Variants in GAB1 observed in about 807,000 individuals in gnomAD.
GAB1 encodes the protein GRB2 associated binding protein 1, also known as GRB2-associated-binding protein 1.
In GAB1, 19 loss-of-function variants were observed where a neutral mutation model predicts 66.5. The observed-to-expected ratio is 0.29, with a 90% CI of 0.20 to 0.42. GAB1 has a LOEUF of 0.42. Ranked by LOEUF, GAB1 falls within the 10% of genes least tolerant of loss-of-function variation. The probability of loss-of-function intolerance (pLI) is 1.00; values close to 1 mark genes in which losing one functional copy is unlikely to be tolerated. For synonymous variants in GAB1, 294 were observed against 301.4 expected (o/e 0.98, Z 0.25); for missense variants, 732 against 858.5 (o/e 0.85, Z 1.84).
chr4:143,353,831 A>G (rs1729329471), intron 1 of GAB1, among the ~76,000 whole-genome samples: 1 of 152,142 alleles, frequency 6.6e-6, no homozygotes, highest in South Asian at 2.1e-4. Flanking sequence ...GTACTTTAGA[A>G]CTTTTCACCA....
intron 1 of GAB1, among the ~76,000 whole-genome samples, chr4:143,342,870 A>T (rs1728871536): frequency 6.6e-6 from 1 of 152,136 alleles, no homozygotes; most frequent in Admixed American, 6.6e-5. Flanking sequence ...GCCAGAGGTG[A>T]TAGATTCAAA....
intron 1 of GAB1, among the ~76,000 whole-genome samples, chr4:143,360,429 CTTTT>C (rs1163479193): frequency 6.6e-6 from 1 of 151,908 alleles, no homozygotes; most frequent in Non-Finnish European, 1.5e-5. Context: ...GAATTGTTGC[CTTTT>C]CAGTGGTTAA....
chr4:143,381,417 A>G (rs7674214), intron 1 of GAB1, among the ~76,000 whole-genome samples: 5,708 of 152,156 alleles, frequency 0.038, 366 homozygotes, highest in African/African-American at 0.13. Flanking sequence ...TAAGCACTAG[A>G]AAGATTCAGT....
At chr4:143,370,567 A>T (rs1435893308) in intron 1 of GAB1, among the ~76,000 whole-genome samples, 2 of 151,864 alleles carry the variant, frequency 1.3e-5, no homozygotes, top group African/African-American at 4.8e-5. Flanking sequence ...TTTTTTTTTA[A>T]ATTAAAGTTC....
intron 6 of GAB1, among the ~76,000 whole-genome samples, chr4:143,449,536 A>G (rs1734782258): frequency 6.6e-6 from 1 of 152,022 alleles, no homozygotes; most frequent in South Asian, 2.1e-4. Context: ...TCTCTTTACC[A>G]TTATGTAATG....
chr4:143,362,749 G>T (rs765512866), intron 1 of GAB1, among the ~76,000 whole-genome samples: 19 of 152,076 alleles, frequency 1.2e-4, no homozygotes, highest in Non-Finnish European at 2.4e-4. Flanking sequence ...CCTTTTCTGT[G>T]CATCCTGTTT....
intron 6 of GAB1, among the ~76,000 whole-genome samples, chr4:143,443,852 A>G (rs533404399): frequency 7.9e-5 from 12 of 152,328 alleles, no homozygotes; most frequent in African/African-American, 2.9e-4. Flanking sequence ...CTTTTCAAAT[A>G]CTTATGAGTA....
chr4:143,414,283 A>G (rs930518743), intron 1 of GAB1, among the ~76,000 whole-genome samples: 2 of 152,196 alleles, frequency 1.3e-5, no homozygotes, highest in African/African-American at 4.8e-5. Context: ...GTTTGTTTCC[A>G]GGCACACATG....
chr4:143,363,925 G>A (rs747618673), intron 1 of GAB1, among the ~76,000 whole-genome samples: 10 of 152,214 alleles, frequency 6.6e-5, no homozygotes, highest in Middle Eastern at 3.4e-3. Flanking sequence ...CGTGCTGGCC[G>A]TGGTGGCTCA....
At chr4:143,398,441 C>A (rs1348736911) in intron 1 of GAB1, among the ~76,000 whole-genome samples, 1 of 152,120 alleles carries the variant, frequency 6.6e-6, no homozygotes, top group African/African-American at 2.4e-5. Flanking sequence ...TCTAGAATTG[C>A]CTCTACAAAT....
At chr4:143,349,825 G>A in intron 1 of GAB1, 3 of 1,585,226 alleles carry the variant, frequency 1.9e-6, no homozygotes, top group East Asian at 2.2e-5. Flanking sequence ...CTTCTGCACT[G>A]GCATAATCTT....
At chr4:143,349,046 A>G (rs998793069) in intron 1 of GAB1, among the ~76,000 whole-genome samples, 4 of 152,130 alleles carry the variant, frequency 2.6e-5, no homozygotes, top group African/African-American at 9.7e-5. Context: ...TGTTATTCTC[A>G]TAGCATAGCA....
Position 143,388,710 on chromosome 4 carries a change from C to T in GAB1, c.73-26767C>T, listed in dbSNP as rs547600628. ...GATTATAGGCATGAGTCACTGCGCC[C>T]GGCCTAGAGTTCTAATAATTGTGTT... On this transcript the variant is annotated intron_variant, in intron 1 of 9. Coordinates refer to ENST00000262994, the MANE Select transcript of GAB1 (RefSeq NM_002039.4). 6.6e-5 allele frequency among the ~76,000 whole-genome samples: 10 copies of T among 152,218 alleles called. No homozygotes were observed. In the East Asian group the frequency reaches 1.4e-3, roughly 21 times the overall value.
At chr4:143,435,132 A>G (rs145458390) in intron 3 of GAB1, among the ~76,000 whole-genome samples, 12 of 152,314 alleles carry the variant, frequency 7.9e-5, no homozygotes, top group African/African-American at 2.4e-4. Context: ...CTAGGATCAG[A>G]CAAAGCACTT....
intron 1 of GAB1, among the ~76,000 whole-genome samples, chr4:143,396,656 C>CT (rs1731470182): frequency 2.6e-5 from 4 of 152,178 alleles, no homozygotes; most frequent in Admixed American, 2.6e-4. Context: ...TGGGGTTTCT[C>CT]TTTCAGTGTC....
intron 1 of GAB1, among the ~76,000 whole-genome samples, chr4:143,374,118 C>T (rs1056105529): frequency 7.9e-5 from 12 of 151,424 alleles, no homozygotes; most frequent in African/African-American, 9.7e-5. Flanking sequence ...AGTTTGGTGT[C>T]GTATTTTATA....
At chr4:143,427,199 C>T (rs1490463060) in intron 2 of GAB1, among the ~76,000 whole-genome samples, 2 of 152,180 alleles carry the variant, frequency 1.3e-5, no homozygotes, top group Non-Finnish European at 2.9e-5. Flanking sequence ...ATCTATCACT[C>T]CCCACTCTAA....
intron 2 of GAB1, among the ~76,000 whole-genome samples, chr4:143,427,749 G>A (rs1733442217): frequency 6.6e-6 from 1 of 151,660 alleles, no homozygotes; most frequent in South Asian, 2.1e-4. Flanking sequence ...GGAGGAAAAA[G>A]AAGATTTTTT....
chr4:143,426,106 A>T, intron 2 of GAB1: 1 of 491,068 alleles, frequency 2.0e-6, no homozygotes, highest in Non-Finnish European at 3.6e-6. Flanking sequence ...ATAAAAAGTT[A>T]GAGGTTGGTT....
Sources: allele counts gnomAD v4.1 joint callset (sites outside exome capture counted in the v4.1 genomes callset), GRCh38; gene constraint gnomAD v4.1.1; transcripts MANE v1.5; gene names NCBI Gene and HGNC (gene_info 2026-07-23, HGNC 2026-07-21).